Variants in ANK3 observed in about 807,000 individuals in gnomAD.
ANK3 encodes the protein ankyrin 3.
Under a neutral mutation model 370.9 loss-of-function variants are expected in ANK3, and 57 were observed. The observed-to-expected ratio is 0.15, with a 90% CI of 0.12 to 0.19. The LOEUF (loss-of-function observed/expected upper bound fraction) is 0.19. ANK3 is among the 10% of genes least tolerant of loss of function. The pLI is 1.00. For synonymous variants in ANK3, 1,929 were observed against 1,946.3 expected (o/e 0.99, Z 0.23); for missense variants, 4,439 against 5,302.1 (o/e 0.84, Z 5.06).
rs182421562 is a variant in ANK3 at position 60,420,340 on chromosome 10, C to A, written c.97-140701G>T. 1.6e-3 allele frequency among the ~76,000 whole-genome samples: 245 copies of A among 152,210 alleles called. 3 individuals are homozygous for A. Among genetic ancestry groups the A allele is most frequent in the East Asian group, 9.7e-4 (5 of 5,174 alleles). ...TATTGGGTCATGTTTAAGGCACTGA[C>A]CCACGTTGAGAGCCTGGACCACAGA... On this transcript the variant is annotated intron_variant, in intron 2 of 43. Transcript: ENST00000373827.
chr10:60,298,488 CAGT>C (rs2043004368), intron 1 of ANK3, among the ~76,000 whole-genome samples: 2 of 152,152 alleles, frequency 1.3e-5, no homozygotes, highest in South Asian at 4.1e-4. Context: ...CAGCAAAACC[CAGT>C]ACAGCAATAG....
chr10:60,551,791 A>G, intron 2 of ANK3, among the ~76,000 whole-genome samples: 1 of 152,298 alleles, frequency 6.6e-6, no homozygotes, highest in East Asian at 1.9e-4. Context: ...AATAAGTAAA[A>G]TAAACTGGTT....
At chr10:60,446,426 C>T (rs2064447173) in intron 2 of ANK3, among the ~76,000 whole-genome samples, 1 of 152,148 alleles carries the variant, frequency 6.6e-6, no homozygotes, top group East Asian at 1.9e-4. Flanking sequence ...TAGTGAGCCC[C>T]CCCTTCCTCT....
intron 1 of ANK3, among the ~76,000 whole-genome samples, chr10:60,283,792 T>A (rs1168219478): frequency 6.6e-6 from 1 of 152,092 alleles, no homozygotes; most frequent in East Asian, 1.9e-4. Context: ...ATTTTCAGAG[T>A]GCCAACCTCA....
At chr10:60,207,770 T>A (rs1346310453) in intron 10 of ANK3, among the ~76,000 whole-genome samples, 3 of 152,230 alleles carry the variant, frequency 2.0e-5, no homozygotes, top group Non-Finnish European at 4.4e-5. Flanking sequence ...CACCTTAGTC[T>A]TTTTATAATT....
intron 2 of ANK3, among the ~76,000 whole-genome samples, chr10:60,399,809 G>C (rs574276049): frequency 4.6e-5 from 7 of 152,250 alleles, no homozygotes; most frequent in Non-Finnish European, 1.0e-4. Flanking sequence ...TGCAGAGGTG[G>C]TGATATCGCA....
At chr10:60,484,625 C>G (rs566844813) in intron 2 of ANK3, among the ~76,000 whole-genome samples, 1 of 152,102 alleles carries the variant, frequency 6.6e-6, no homozygotes, top group South Asian at 2.1e-4. Flanking sequence ...AAAGGCAAAA[C>G]AGGAATGTCT....
chr10:60,159,945 A>T (rs2095451527), intron 23 of ANK3, among the ~76,000 whole-genome samples: 1 of 152,266 alleles, frequency 6.6e-6, no homozygotes, highest in East Asian at 1.9e-4. Flanking sequence ...GTTAATAGCA[A>T]TAAATGCCTA....
At chr10:60,229,743 A>C (rs914978765) in intron 8 of ANK3, among the ~76,000 whole-genome samples, 2 of 152,218 alleles carry the variant, frequency 1.3e-5, no homozygotes, top group Non-Finnish European at 2.9e-5. Flanking sequence ...AAGTAAATTA[A>C]GATGTTTTGA....
intron 2 of ANK3, among the ~76,000 whole-genome samples, chr10:60,561,066 A>G (rs889787528): frequency 3.3e-5 from 5 of 152,232 alleles, no homozygotes; most frequent in African/African-American, 1.2e-4. Flanking sequence ...ATAAGTTAGC[A>G]TCATGAAAAT....
chr10:60,309,325 A>G (rs2045852861), intron 1 of ANK3, among the ~76,000 whole-genome samples: 1 of 152,258 alleles, frequency 6.6e-6, no homozygotes, highest in Non-Finnish European at 1.5e-5. Context: ...TCTTGAATAT[A>G]TAAATGTGAA....
intron 1 of ANK3, among the ~76,000 whole-genome samples, chr10:60,301,278 ACG>A (rs1179071565): frequency 1.3e-5 from 2 of 149,762 alleles, no homozygotes; most frequent in African/African-American, 2.5e-5. Flanking sequence ...ACATATACAC[ACG>A]CACACATATA....
At chr10:60,238,010 G>A (rs1350418604) in intron 7 of ANK3, among the ~76,000 whole-genome samples, 1 of 152,134 alleles carries the variant, frequency 6.6e-6, no homozygotes, top group African/African-American at 2.4e-5. Context: ...GAAGACGTTT[G>A]TTTAAAAACC....
chr10:60,207,963 T>C (rs1444409467), intron 10 of ANK3, 73 bp downstream of exon 10: 1 of 1,318,112 alleles, frequency 7.6e-7, no homozygotes, highest in Admixed American at 1.7e-5. Context: ...CCTCAAAGCA[T>C]TCCCTTCACA....
At chr10:60,662,659 T>C (rs889588074) in intron 1 of ANK3, among the ~76,000 whole-genome samples, 1 of 152,178 alleles carries the variant, frequency 6.6e-6, no homozygotes, top group African/African-American at 2.4e-5. Context: ...ACAAATACCA[T>C]TATCAATCCC....
intron 8 of ANK3, among the ~76,000 whole-genome samples, chr10:60,222,711 A>C (rs1476104289): frequency 6.6e-6 from 1 of 152,136 alleles, no homozygotes; most frequent in Non-Finnish European, 1.5e-5. Context: ...GCCTTTCCTG[A>C]TTCCCTTAAC....
At chr10:60,691,407 C>T (rs1011813345) in intron 1 of ANK3, among the ~76,000 whole-genome samples, 3 of 152,154 alleles carry the variant, frequency 2.0e-5, no homozygotes, top group African/African-American at 4.8e-5. Flanking sequence ...CTGAGAGGAT[C>T]AATATCTCTG....
intron 6 of ANK3, among the ~76,000 whole-genome samples, chr10:60,262,585 C>G (rs1447218111): frequency 6.6e-6 from 1 of 152,208 alleles, no homozygotes; most frequent in African/African-American, 2.4e-5. Context: ...CAGCGATTCA[C>G]TTAGTCCCCA....
chr10:60,562,006 G>T (rs1164486229), intron 2 of ANK3, among the ~76,000 whole-genome samples: 2 of 152,120 alleles, frequency 1.3e-5, no homozygotes, highest in African/African-American at 2.4e-5. Context: ...TGTATTCCTT[G>T]CACCTAGAAT....
Sources: allele counts gnomAD v4.1 joint callset (sites outside exome capture counted in the v4.1 genomes callset), GRCh38; gene constraint gnomAD v4.1.1; transcripts MANE v1.5; gene names NCBI Gene and HGNC (gene_info 2026-07-23, HGNC 2026-07-21).